The following CCDC86 variants were observed in gnomAD, a reference collection of about 807,000 sequenced individuals.
CCDC86 encodes the protein coiled-coil domain-containing protein 86.
CCDC86 carries 28 observed loss-of-function variants against 36.7 expected under a neutral mutation model. That is an observed-to-expected ratio of 0.76 (90% CI 0.57 to 1.05). The LOEUF is 1.05. Ranked by LOEUF, CCDC86 falls within the 50% of genes least tolerant of loss-of-function variation. CCDC86 has a pLI of 0.00. For missense variants in CCDC86, 453 were observed against 470.2 expected, an observed-to-expected ratio of 0.96 and a Z score of 0.34; for synonymous variants, 199 against 203.4, an observed-to-expected ratio of 0.98 and a Z score of 0.18.
intron 1 of CCDC86, chr11:60,847,679 G>T: frequency 3.5e-6 from 1 of 285,792 alleles, no homozygotes; most frequent in East Asian, 8.8e-5. Context: ...CTCTGTAAGT[G>T]GAGAGGATAG....
intron 1 of CCDC86, among the ~76,000 whole-genome samples, chr11:60,844,495 C>T (rs891586153): frequency 1.3e-5 from 2 of 152,176 alleles, no homozygotes; most frequent in Admixed American, 6.5e-5. Flanking sequence ...CGCCTTCACA[C>T]GTGCTGTTCC....
intron 1 of CCDC86, among the ~76,000 whole-genome samples, chr11:60,845,802 A>G (rs1855176702): frequency 6.6e-6 from 1 of 152,216 alleles, no homozygotes; most frequent in Non-Finnish European, 1.5e-5. Flanking sequence ...TCCACTGGAC[A>G]GGATGCTGAG....
Position 60,850,299 on chromosome 11 carries a change from C to T in CCDC86, c.1057C>T (p.Pro353Ser). 1 of 1,614,112 alleles carries T rather than the reference C, an allele frequency of 6.2e-7. No individual in the cohort carries two copies. The highest frequency in any genetic ancestry group is 8.5e-7 in the Non-Finnish European group (1 of 1,179,980). The change falls in exon 4 of 4, where the codon CCC (proline) becomes TCC (serine). Residue 353 changes from proline (P) to serine (S), a missense_variant. Physicochemically the swap from Pro to Ser is moderately conservative, Grantham distance 74 (BLOSUM62 -1). Coordinates refer to ENST00000227520, the MANE Select transcript of CCDC86 (RefSeq NM_024098.4). ...CCTGGCCCTGCTGCAGAAGCAGCCG[C>T]CCCAGCAGCCGGCAGCCAAGATCTG... The part of the protein sequence containing the change: ...DTLALLQKQP[P>S]QQPAAKI
chr11:60,844,630 G>C (rs1855161694), intron 1 of CCDC86, among the ~76,000 whole-genome samples: 1 of 152,206 alleles, frequency 6.6e-6, no homozygotes, highest in African/African-American at 2.4e-5. Context: ...CATGCTTTAT[G>C]TTATCATTGT....
intron 3 of CCDC86, 61 bp from the exon 4 acceptor site, chr11:60,850,145 C>T (rs1367951934): frequency 1.2e-6 from 2 of 1,610,686 alleles, no homozygotes; most frequent in Admixed American, 1.7e-5. Context: ...CCTTCCTCTC[C>T]CCTGGGAATT....
intron 2 of CCDC86, among the ~76,000 whole-genome samples, chr11:60,848,267 A>C (rs942141193): frequency 7.2e-6 from 1 of 138,406 alleles, no homozygotes; most frequent in Admixed American, 7.4e-5. Context: ...GGGACCATAC[A>C]GTTTAGCCTG....
chr11:60,842,450 A>G lies in CCDC86; in HGVS notation c.326A>G (p.Tyr109Cys). Residue 109 changes from tyrosine to cysteine, a missense_variant, in exon 1 of 4, where the codon TAC becomes TGC. Coordinates refer to ENST00000227520, the MANE Select transcript of CCDC86 (RefSeq NM_024098.4). ...GAGTCGCCTCAAAGACAGCCAGAGT[A>G]CAGTCCTGAATCCCCACGATGTCAG... ...HLESPQRQPE[Y>C]SPESPRCQPK... 1.9e-6 allele frequency: 3 copies of G among 1,614,086 alleles called. No homozygotes were observed. The highest frequency in any genetic ancestry group is 2.5e-6 in the Non-Finnish European group (3 of 1,180,038).
At chr11:60,847,033 T>G (rs1483217565) in intron 1 of CCDC86, among the ~76,000 whole-genome samples, 1 of 152,162 alleles carries the variant, frequency 6.6e-6, no homozygotes, top group Non-Finnish European at 1.5e-5. Flanking sequence ...CTGAGAGCCC[T>G]GATGCCCACT....
At chr11:60,848,508 C>A (rs991482419) in intron 2 of CCDC86, among the ~76,000 whole-genome samples, 2 of 152,150 alleles carry the variant, frequency 1.3e-5, no homozygotes. Context: ...ACGTGGATGG[C>A]CCCCGCACCT....
chr11:60,850,598 A>C lies in CCDC86; in HGVS notation c.*273A>C. 1 of 469,046 alleles carries C rather than the reference A, an allele frequency of 2.1e-6. No individual in the cohort carries two copies. The highest frequency in any genetic ancestry group is 3.8e-6 in the Non-Finnish European group (1 of 261,988). The allele number at this position is 469,046 out of a possible 1,614,324, so 29.1% of individuals were successfully genotyped here. A position where few individuals can be genotyped will look rare whatever the true frequency, so the allele number is the denominator to read the frequency against. ...TTCCTCTCCTTCTCCAAGTGCCTTC[A>C]AACCAAGAACTGTACATTCTTCTGG... On this transcript the variant is annotated 3_prime_UTR_variant, in exon 4 of 4. Coordinates refer to ENST00000227520, the MANE Select transcript of CCDC86 (RefSeq NM_024098.4).
chr11:60,844,426 C>T (rs1380607093), intron 1 of CCDC86, among the ~76,000 whole-genome samples: 1 of 152,204 alleles, frequency 6.6e-6, no homozygotes, highest in Non-Finnish European at 1.5e-5. Context: ...ATCACTAGAG[C>T]TTCCACACTG....
At position 60,842,289 on chromosome 11, in the gene CCDC86, C is replaced by G; in HGVS notation, c.165C>G (p.Gly55=). ...CTCCTCCGAGTGTGCAGCGGGCTGG[C>G]CTGGGGTCCCCCGAAAGGCCGCCGA... The part of the protein sequence containing the change: ...PGSPPSVQRA[G]LGSPERPPKT... The change falls in exon 1 of 4, where the codon GGC becomes GGG. Residue 55 remains glycine (G), a synonymous_variant. Transcript: ENST00000227520. The G allele has an allele frequency of 2.5e-6, 4 of 1,613,506 alleles. No individual in the cohort carries two copies. Among genetic ancestry groups the G allele is most frequent in the Non-Finnish European group, 3.4e-6 (4 of 1,179,924 alleles).
chr11:60,849,859 C>T, intron 2 of CCDC86, 81 bp from the exon 3 acceptor site: 5 of 1,208,664 alleles, frequency 4.1e-6, no homozygotes, highest in Non-Finnish European at 4.8e-6. Context: ...GGAATTCTGC[C>T]CGCTCGCACT....
intron 2 of CCDC86, 66 bp downstream of exon 2, chr11:60,848,119 T>C: frequency 6.5e-7 from 1 of 1,542,162 alleles, no homozygotes; most frequent in South Asian, 1.2e-5. Flanking sequence ...GGTACAGACC[T>C]GAGGCGAGGG....
chr11:60,849,150 G>A lies in CCDC86; in HGVS notation c.889-790G>A, dbSNP rs144889973. Among the ~76,000 whole-genome samples, 19 of 152,282 alleles carry A rather than the reference G, an allele frequency of 1.2e-4. No homozygotes were observed. In the South Asian group the frequency reaches 2.5e-3, roughly 20 times the overall value. ...ACCATGCAGCAGCCTTGGAGCTGAC[G>A]TCCCCACCCTGGCCTTGCTGAGGGA... On this transcript the variant is annotated intron_variant, in intron 2 of 3. Transcript: ENST00000227520.
At position 60,842,129 on chromosome 11, in the gene CCDC86, A is replaced by G. The variant is rs1855125303; in HGVS notation, c.5A>G (p.Asp2Gly). The change falls in exon 1 of 4, where the codon GAT becomes GGT. Residue 2 changes from aspartate (D) to glycine (G), a missense_variant. Coordinates refer to ENST00000227520, the MANE Select transcript of CCDC86 (RefSeq NM_024098.4). M[D>G]TPLRRSRRLG... ...TGGAAACTTACCGGCTGAGCCATGG[A>G]TACACCGTTAAGGCGCAGCCGACGG... 1.3e-6 allele frequency: 2 copies of G among 1,573,802 alleles called. No individual in the cohort carries two copies. The highest frequency in any genetic ancestry group is 1.9e-5 in the Admixed American group (1 of 53,416).
Position 60,850,252 on chromosome 11 carries a change from G to T in CCDC86, c.1010G>T (p.Arg337Leu). 6.2e-7 allele frequency: 1 copy of T among 1,614,210 alleles called. No homozygotes were observed. The highest frequency in any genetic ancestry group is 8.5e-7 in the Non-Finnish European group (1 of 1,180,036). Residue 337 changes from arginine (R) to leucine (L), a missense_variant, in exon 4 of 4, where the codon CGC (arginine) becomes CTC (leucine). By Grantham distance (102) the Arg-to-Leu change is moderately radical. Coordinates refer to ENST00000227520, the MANE Select transcript of CCDC86 (RefSeq NM_024098.4). ...KLKRAKKKQL[R>L]SIEKRDTLAL... Reference sequence around the variant, plus strand: ...AAGCGGGCAAAGAAGAAGCAGCTGCGCTCCATTGAGAAGCGGGACACCCTG... The same window carrying T: ...AAGCGGGCAAAGAAGAAGCAGCTGCTCTCCATTGAGAAGCGGGACACCCTG...
intron 2 of CCDC86, among the ~76,000 whole-genome samples, chr11:60,848,561 A>G (rs983710369): frequency 7.9e-5 from 12 of 152,090 alleles, no homozygotes; most frequent in African/African-American, 2.9e-4. Context: ...AGAGCCAGGA[A>G]GCCCCTGTAA....
At chr11:60,846,644 G>A (rs887597698) in intron 1 of CCDC86, among the ~76,000 whole-genome samples, 1 of 151,212 alleles carries the variant, frequency 6.6e-6, no homozygotes, top group African/African-American at 2.4e-5. Flanking sequence ...GAGCAATCTC[G>A]GCTCACCGCA....
Sources: allele counts gnomAD v4.1 joint callset (sites outside exome capture counted in the v4.1 genomes callset), GRCh38; gene constraint gnomAD v4.1.1; transcripts MANE v1.5; gene names NCBI Gene and HGNC (gene_info 2026-07-23, HGNC 2026-07-21).